NLGN1: variants seen among roughly 807,000 people sequenced by gnomAD.
NLGN1 encodes the protein neuroligin 1.
Under a neutral mutation model 65.5 loss-of-function variants are expected in NLGN1, and 12 were observed. The ratio of observed to expected loss-of-function variants is 0.18; its 90% confidence interval spans 0.12 to 0.30. The LOEUF (loss-of-function observed/expected upper bound fraction) is 0.30, where lower values mean the gene tolerates loss of function less well. NLGN1 is among the 10% of genes least tolerant of loss of function. The pLI is 1.00. For missense variants in NLGN1, 750 were observed against 1,007.1 expected, an observed-to-expected ratio of 0.74 and a Z score of 3.46; for synonymous variants, 350 against 359.5, an observed-to-expected ratio of 0.97 and a Z score of 0.30.
chr3:173,694,440 G>A (rs558078159), intron 3 of NLGN1, among the ~76,000 whole-genome samples: 1 of 152,278 alleles, frequency 6.6e-6, no homozygotes, highest in African/African-American at 2.4e-5. Flanking sequence ...GGGACCTACT[G>A]ACGTGTACAT....
chr3:174,102,055 T>C (rs1712636822), intron 4 of NLGN1, among the ~76,000 whole-genome samples: 2 of 152,152 alleles, frequency 1.3e-5, no homozygotes, highest in Non-Finnish European at 2.9e-5. Context: ...ATGAAAGATA[T>C]GTACTTAAAA....
chr3:174,066,448 T>C (rs1190247561), intron 4 of NLGN1, among the ~76,000 whole-genome samples: 1 of 151,958 alleles, frequency 6.6e-6, no homozygotes, highest in Non-Finnish European at 1.5e-5. Context: ...GTTGATTCTC[T>C]TTCCTTTCAC....
At chr3:173,939,270 C>T (rs1745569307) in intron 4 of NLGN1, among the ~76,000 whole-genome samples, 1 of 152,180 alleles carries the variant, frequency 6.6e-6, no homozygotes, top group South Asian at 2.1e-4. Context: ...TGGACTCAAC[C>T]ATCAACATTG....
At chr3:174,064,597 T>C (rs1738102004) in intron 4 of NLGN1, among the ~76,000 whole-genome samples, 1 of 149,614 alleles carries the variant, frequency 6.7e-6, no homozygotes, top group South Asian at 2.1e-4. Flanking sequence ...ATGATACATA[T>C]ATTAATAAGG....
chr3:174,210,090 C>A (rs898578431), intron 4 of NLGN1, among the ~76,000 whole-genome samples: 1 of 152,150 alleles, frequency 6.6e-6, no homozygotes, highest in Non-Finnish European at 1.5e-5. Flanking sequence ...CAAATCATCA[C>A]ATTATAGGTT....
At chr3:174,044,087 G>T (rs1732971322) in intron 4 of NLGN1, among the ~76,000 whole-genome samples, 1 of 152,108 alleles carries the variant, frequency 6.6e-6, no homozygotes, top group Admixed American at 6.5e-5. Flanking sequence ...GCTGTATCTT[G>T]GTCCCCTTTA....
chr3:174,281,263 C>A, exon 7 of NLGN1: 1 of 1,612,406 alleles, frequency 6.2e-7, no homozygotes, highest in Non-Finnish European at 8.5e-7. Context: ...CTGCCCCATC[C>A]CCATCCCCAC....
At chr3:173,495,909 T>G (rs1386288898) in intron 2 of NLGN1, among the ~76,000 whole-genome samples, 1 of 151,878 alleles carries the variant, frequency 6.6e-6, no homozygotes, top group Admixed American at 6.5e-5. Context: ...ATCATAGAGT[T>G]TGTATACTTT....
At chr3:173,444,465 T>G (rs116302190) in intron 2 of NLGN1, among the ~76,000 whole-genome samples, 3,575 of 152,290 alleles carry the variant, frequency 0.023, 148 homozygotes, top group African/African-American at 0.079. Flanking sequence ...TTTCTCCCAG[T>G]CTGGATAAGG....
At chr3:174,263,591 T>A (rs1032011431) in intron 4 of NLGN1, among the ~76,000 whole-genome samples, 1 of 152,134 alleles carries the variant, frequency 6.6e-6, no homozygotes. Context: ...GCACGTGAGA[T>A]GGGATTCCTG....
At chr3:173,875,686 T>A (rs1731984007) in intron 4 of NLGN1, among the ~76,000 whole-genome samples, 1 of 152,216 alleles carries the variant, frequency 6.6e-6, no homozygotes, top group Admixed American at 6.5e-5. Flanking sequence ...AGAATCCTCA[T>A]AATGCCCTGC....
chr3:173,830,524 T>G (rs554001833), intron 4 of NLGN1, among the ~76,000 whole-genome samples: 1 of 152,180 alleles, frequency 6.6e-6, no homozygotes, highest in Non-Finnish European at 1.5e-5. Context: ...GCATTATCCA[T>G]CTATTTGGGA....
At chr3:173,415,186 A>G (rs1713422461) in intron 1 of NLGN1, among the ~76,000 whole-genome samples, 1 of 152,152 alleles carries the variant, frequency 6.6e-6, no homozygotes, top group Non-Finnish European at 1.5e-5. Flanking sequence ...AATTGTAGTA[A>G]CTCAGTTGTA....
intron 5 of NLGN1, among the ~76,000 whole-genome samples, chr3:174,278,420 T>C (rs965395900): frequency 6.6e-6 from 1 of 151,880 alleles, no homozygotes; most frequent in African/African-American, 2.4e-5. Context: ...TAGAGAACCA[T>C]TTTGAAGGAA....
chr3:173,769,835 T>C (rs561629232), intron 3 of NLGN1, among the ~76,000 whole-genome samples: 2 of 152,328 alleles, frequency 1.3e-5, no homozygotes, highest in East Asian at 3.9e-4. Flanking sequence ...AAAAAGAGTT[T>C]AGTGTCCCTT....
At chr3:174,205,486 A>G (rs1735227419) in intron 4 of NLGN1, among the ~76,000 whole-genome samples, 2 of 152,126 alleles carry the variant, frequency 1.3e-5, no homozygotes, top group Non-Finnish European at 2.9e-5. Flanking sequence ...AGAAAAGAAT[A>G]TGCATATTAT....
At chr3:174,203,292 T>A (rs1734828488) in intron 4 of NLGN1, among the ~76,000 whole-genome samples, 1 of 152,184 alleles carries the variant, frequency 6.6e-6, no homozygotes, top group Admixed American at 6.5e-5. Context: ...CAAAAAGAGA[T>A]GTTTAAAATC....
chr3:173,539,741 T>TGCACATATGCACATATATACATATAG (rs1738364558), intron 2 of NLGN1, among the ~76,000 whole-genome samples: 9 of 129,978 alleles, frequency 6.9e-5, no homozygotes, highest in South Asian at 2.3e-4. Flanking sequence ...TATACATATA[T>TGCACATATGCACATATATACATATAG]GTACATATAT....
intron 4 of NLGN1, among the ~76,000 whole-genome samples, chr3:173,845,685 A>G (rs77547177): frequency 0.012 from 1,752 of 152,234 alleles, 29 homozygotes; most frequent in African/African-American, 0.039. Context: ...ACTCAATAGG[A>G]AACATAAAAT....
Sources: allele counts gnomAD v4.1 joint callset (sites outside exome capture counted in the v4.1 genomes callset), GRCh38; gene constraint gnomAD v4.1.1; transcripts MANE v1.5; gene names NCBI Gene and HGNC (gene_info 2026-07-23, HGNC 2026-07-21).